ZNF536: variants seen among roughly 807,000 people sequenced by gnomAD.
ZNF536 encodes zinc finger protein 536.
A neutral mutation model predicts 84.5 loss-of-function variants in ZNF536; 13 were observed. That is an observed-to-expected ratio of 0.15 (90% CI 0.10 to 0.24). ZNF536 has a LOEUF of 0.24. ZNF536 is among the 10% of genes least tolerant of loss of function. The pLI is 1.00. For missense variants in ZNF536, 1,536 were observed against 1,747.5 expected (o/e 0.88, Z 2.16); for synonymous variants, 811 against 742.5 (o/e 1.09, Z -1.50).
In ZNF536 at chr19:30,427,251, A is replaced by C. The variant is rs140904486; in HGVS notation, c.-2-16310A>C. On this transcript the variant is annotated intron_variant, in intron 1 of 4. Transcript: ENST00000355537. ...TTTCCTCAAGGAACATCTCTGTGCA[A>C]GGACAGAAGGTGTGGACAACTCTCA... 1.7e-3 allele frequency among the ~76,000 whole-genome samples: 266 copies of C among 152,320 alleles called. 1 individual carries two copies. Among genetic ancestry groups the C allele is most frequent in the Non-Finnish European group, 2.6e-3 (176 of 68,038 alleles).
chr19:30,544,868 T>G (rs540575610), intron 3 of ZNF536, among the ~76,000 whole-genome samples: 1 of 152,090 alleles, frequency 6.6e-6, no homozygotes, highest in Non-Finnish European at 1.5e-5. Context: ...TTATTACAGG[T>G]TGAGGAAGAA....
At chr19:30,505,022 T>A (rs984756010) in intron 2 of ZNF536, among the ~76,000 whole-genome samples, 1 of 152,046 alleles carries the variant, frequency 6.6e-6, no homozygotes, top group Non-Finnish European at 1.5e-5. Flanking sequence ...CAACAACTTA[T>A]GAGATTGATA....
intron 1 of ZNF536, among the ~76,000 whole-genome samples, chr19:30,606,806 C>T (rs2047910436): frequency 1.3e-5 from 2 of 152,114 alleles, no homozygotes; most frequent in African/African-American, 2.4e-5. Flanking sequence ...CGTTGCAGCT[C>T]AGCTTCCTCC....
intron 1 of ZNF536, among the ~76,000 whole-genome samples, chr19:30,641,640 G>T (rs1475835233): frequency 1.3e-5 from 2 of 152,114 alleles, no homozygotes; most frequent in Admixed American, 1.3e-4. Context: ...TCACCCTCGT[G>T]CTTTAGAGTA....
intron 3 of ZNF536, among the ~76,000 whole-genome samples, chr19:30,546,413 G>A (rs1341660445): frequency 1.3e-5 from 2 of 152,202 alleles, no homozygotes; most frequent in Non-Finnish European, 2.9e-5. Context: ...AAGTGTCCAG[G>A]AGAGATCTCA....
chr19:30,672,232 C>T (rs529896368), intron 1 of ZNF536, among the ~76,000 whole-genome samples: 8 of 152,298 alleles, frequency 5.3e-5, no homozygotes, highest in African/African-American at 1.7e-4. Flanking sequence ...TGCCCCATCC[C>T]CTGGAGGAGT....
At chr19:30,651,879 G>A (rs2049721428) in intron 1 of ZNF536, among the ~76,000 whole-genome samples, 1 of 152,220 alleles carries the variant, frequency 6.6e-6, no homozygotes, top group South Asian at 2.1e-4. Context: ...AGCTTTGTGT[G>A]TGTGTGGCTT....
intron 1 of ZNF536, among the ~76,000 whole-genome samples, chr19:30,256,864 A>G (rs1441362009): frequency 6.6e-6 from 1 of 152,216 alleles, no homozygotes; most frequent in Non-Finnish European, 1.5e-5. Flanking sequence ...TAAACAAGTG[A>G]TAAAGTGACA....
chr19:30,700,905 G>A (rs1165284908), intron 1 of ZNF536, among the ~76,000 whole-genome samples: 1 of 152,180 alleles, frequency 6.6e-6, no homozygotes, highest in Non-Finnish European at 1.5e-5. Context: ...TCTGGGAGAA[G>A]TGTGTTATAG....
At chr19:30,484,392 T>A (rs922435816) in intron 2 of ZNF536, among the ~76,000 whole-genome samples, 11 of 141,626 alleles carry the variant, frequency 7.8e-5, no homozygotes, top group African/African-American at 2.6e-4. Flanking sequence ...ATGCCCAGCT[T>A]TTTTTTTTTT....
intron 1 of ZNF536, among the ~76,000 whole-genome samples, chr19:30,572,646 T>C (rs192901199): frequency 2.0e-4 from 31 of 152,228 alleles, no homozygotes; most frequent in Admixed American, 1.6e-3. Context: ...AACAGAGTAA[T>C]CAAGATGACA....
intron 1 of ZNF536, among the ~76,000 whole-genome samples, chr19:30,384,795 G>A (rs2049270544): frequency 1.3e-5 from 2 of 152,150 alleles, no homozygotes; most frequent in Non-Finnish European, 2.9e-5. Context: ...GGGAGGCCAA[G>A]GTGGGAGGAT....
intron 3 of ZNF536, among the ~76,000 whole-genome samples, chr19:30,542,332 C>T (rs1010472085): frequency 2.6e-5 from 4 of 152,070 alleles, no homozygotes; most frequent in Admixed American, 2.6e-4. Flanking sequence ...AAAATAGGTA[C>T]CGTGAACTAA....
intron 1 of ZNF536, among the ~76,000 whole-genome samples, chr19:30,595,546 C>T (rs1005805529): frequency 1.3e-5 from 2 of 152,132 alleles, no homozygotes; most frequent in Admixed American, 6.5e-5. Context: ...CCTTGGCCTC[C>T]CAAAGCACTG....
intron 2 of ZNF536, among the ~76,000 whole-genome samples, chr19:30,459,953 G>A (rs1487650525): frequency 6.6e-6 from 1 of 152,182 alleles, no homozygotes; most frequent in African/African-American, 2.4e-5. Flanking sequence ...CAGAGGAGCA[G>A]TGAGATTCAC....
chr19:30,454,327 G>A (rs1196281957), intron 2 of ZNF536, among the ~76,000 whole-genome samples: 2 of 152,164 alleles, frequency 1.3e-5, no homozygotes, highest in African/African-American at 4.8e-5. Context: ...CTTCATTAAA[G>A]TAATGTCCAG....
intron 3 of ZNF536, 30 bp from the exon 4 acceptor site, chr19:30,547,913 T>A: frequency 6.6e-7 from 1 of 1,512,284 alleles, no homozygotes; most frequent in Admixed American, 2.3e-5. Context: ...GATAAACGCC[T>A]CTTTTTTTTC....
chr19:30,268,115 A>T (rs2145409976), intron 1 of ZNF536, among the ~76,000 whole-genome samples: 1 of 127,862 alleles, frequency 7.8e-6, no homozygotes, highest in African/African-American at 3.0e-5. Context: ...AAATATATTG[A>T]CTTCAGGGCT....
At chr19:30,659,576 C>G (rs1233459172) in intron 1 of ZNF536, among the ~76,000 whole-genome samples, 1 of 152,148 alleles carries the variant, frequency 6.6e-6, no homozygotes, top group Admixed American at 6.5e-5. Context: ...GGAGGCCTCA[C>G]AAACATGGTG....
Sources: gnomAD v4.1 joint callset for allele counts (sites outside exome capture counted in the v4.1 genomes callset) on GRCh38, gnomAD v4.1.1 for gene constraint, MANE v1.5 for transcripts, NCBI Gene and HGNC (gene_info 2026-07-23, HGNC 2026-07-21) for gene names.